The following DCDC1 variants were observed in gnomAD, a reference collection of about 807,000 sequenced individuals.
DCDC1 encodes the protein doublecortin domain containing 1.
A neutral mutation model predicts 178.3 loss-of-function variants in DCDC1; 200 were observed. That is an observed-to-expected ratio of 1.12 (90% CI 1.00 to 1.26). The LOEUF (loss-of-function observed/expected upper bound fraction) is 1.26. Ranked by LOEUF, DCDC1 falls within the 50% of genes most tolerant of loss-of-function variation. DCDC1 has a pLI of 0.00. For synonymous variants in DCDC1, 690 were observed against 604.8 expected, an observed-to-expected ratio of 1.14 and a Z score of -2.07; for missense variants, 1,983 against 1,749.2, an observed-to-expected ratio of 1.13 and a Z score of -2.38.
intron 2 of DCDC1, among the ~76,000 whole-genome samples, chr11:31,334,400 C>T (rs1950165258): frequency 1.3e-5 from 2 of 152,230 alleles, no homozygotes; most frequent in Admixed American, 6.5e-5. Context: ...CAAAGTCATT[C>T]TCCATCCAGC....
chr11:31,035,479 C>T (rs1953965344), intron 20 of DCDC1, among the ~76,000 whole-genome samples: 1 of 152,106 alleles, frequency 6.6e-6, no homozygotes. Flanking sequence ...GTAACATATC[C>T]CTTACTTTTG....
At chr11:31,312,109 T>TTC in intron 3 of DCDC1, among the ~76,000 whole-genome samples, 1 of 151,820 alleles carries the variant, frequency 6.6e-6, no homozygotes, top group Non-Finnish European at 1.5e-5. Context: ...CCCTAAGGAG[T>TTC]CTTCTCTCAA....
chr11:31,227,109 G>A (rs1295414687), intron 9 of DCDC1, among the ~76,000 whole-genome samples: 1 of 152,084 alleles, frequency 6.6e-6, no homozygotes, highest in African/African-American at 2.4e-5. Context: ...AAGCCAAAAA[G>A]ATATAGCTAA....
At position 31,364,403 on chromosome 11, in the gene DCDC1, T is replaced by C. The variant is rs117921632; in HGVS notation, c.-125+5294A>G. 1.9e-3 allele frequency among the ~76,000 whole-genome samples: 291 copies of C among 152,274 alleles called. 2 individuals carry two copies. The highest frequency in any genetic ancestry group is 3.3e-3 in the Non-Finnish European group (227 of 68,020). ...GGGGGAAAAAACAAGTTGGTATTTG[T>C]ATGACTATTAAAGATAAATAGAAGA... On this transcript the variant is annotated intron_variant, in intron 1 of 38. Transcript: ENST00000684477.
intron 20 of DCDC1, among the ~76,000 whole-genome samples, chr11:30,953,304 TTATATTAATTA>T (rs1235542636): frequency 2.0e-5 from 3 of 148,576 alleles, no homozygotes; most frequent in Admixed American, 1.3e-4. Flanking sequence ...ATCATAAGCA[TTATATTAATTA>T]TATATTAATT....
chr11:30,891,574 C>T (rs1943781123), intron 36 of DCDC1, among the ~76,000 whole-genome samples: 1 of 152,174 alleles, frequency 6.6e-6, no homozygotes, highest in Middle Eastern at 3.2e-3. Flanking sequence ...TTAGCATCTA[C>T]AACATGAACT....
In DCDC1 at chr11:31,280,876, G is replaced by A. The variant is rs184694980; in HGVS notation, c.960+9771C>T. 8.7e-4 allele frequency: 553 copies of A among 638,056 alleles called. 5 individuals are homozygous for A. The highest frequency in any genetic ancestry group is 7.5e-3 in the African/African-American group (415 of 55,328). 39.5% of individuals were successfully genotyped at this position (638,056 alleles called of 1,614,324 possible). A position where few individuals can be genotyped will look rare whatever the true frequency, so the allele number is the denominator to read the frequency against. The stretch of plus-strand genomic sequence containing the variant: ...CAATGGCCTGACCTGTCTTCTGCCC[G>A]AAGAGACCATGGAGATTAGGCCCAG... On this transcript the variant is annotated intron_variant, in intron 7 of 38. Coordinates refer to ENST00000684477, the MANE Select transcript of DCDC1 (RefSeq NM_001387274.1).
At chr11:30,957,145 T>C (rs1948816097) in intron 20 of DCDC1, among the ~76,000 whole-genome samples, 1 of 152,150 alleles carries the variant, frequency 6.6e-6, no homozygotes, top group Non-Finnish European at 1.5e-5. Flanking sequence ...CTCGGACCCT[T>C]ATCCTCCCTC....
intron 7 of DCDC1, among the ~76,000 whole-genome samples, chr11:31,274,874 T>G (rs1352592227): frequency 2.0e-5 from 3 of 152,004 alleles, no homozygotes; most frequent in Non-Finnish European, 2.9e-5. Context: ...CTAATTTTTG[T>G]ATTTTTAGTA....
chr11:31,207,649 C>T (rs1972022002), intron 9 of DCDC1, among the ~76,000 whole-genome samples: 1 of 152,160 alleles, frequency 6.6e-6, no homozygotes, highest in Non-Finnish European at 1.5e-5. Flanking sequence ...TCATATTTAG[C>T]ATGCAAACAT....
intron 9 of DCDC1, among the ~76,000 whole-genome samples, chr11:31,214,047 C>A (rs948090233): frequency 1.3e-5 from 2 of 151,910 alleles, no homozygotes; most frequent in Admixed American, 1.3e-4. Flanking sequence ...TACAAAAGAT[C>A]ATTAATTCAC....
At chr11:30,988,736 A>G (rs1035937643) in intron 20 of DCDC1, among the ~76,000 whole-genome samples, 12 of 152,186 alleles carry the variant, frequency 7.9e-5, no homozygotes, top group African/African-American at 2.9e-4. Flanking sequence ...ACGCAAAAAA[A>G]TCTTATAATG....
intron 20 of DCDC1, among the ~76,000 whole-genome samples, chr11:30,957,475 G>C (rs1948835001): frequency 6.6e-6 from 1 of 152,082 alleles, no homozygotes; most frequent in South Asian, 2.1e-4. Flanking sequence ...TGAACTAACA[G>C]AAACATCTGA....
At chr11:31,273,566 C>T (rs1945744054) in intron 7 of DCDC1, among the ~76,000 whole-genome samples, 1 of 152,198 alleles carries the variant, frequency 6.6e-6, no homozygotes, top group African/African-American at 2.4e-5. Flanking sequence ...GCATTTTGGT[C>T]AAAGCCATTC....
At chr11:30,874,073 T>C (rs555072712) in intron 38 of DCDC1, among the ~76,000 whole-genome samples, 1 of 152,300 alleles carries the variant, frequency 6.6e-6, no homozygotes, top group Admixed American at 6.5e-5. Flanking sequence ...AATACTCACA[T>C]ACAAAGCAAA....
chr11:31,323,544 T>TG (rs1949485533), intron 3 of DCDC1, among the ~76,000 whole-genome samples: 1 of 152,154 alleles, frequency 6.6e-6, no homozygotes, highest in Non-Finnish European at 1.5e-5. Context: ...AGTGTATATT[T>TG]GACAAGCATA....
chr11:30,959,512 C>T (rs950169925), intron 20 of DCDC1, among the ~76,000 whole-genome samples: 3 of 152,172 alleles, frequency 2.0e-5, no homozygotes, highest in Non-Finnish European at 4.4e-5. Flanking sequence ...TTCATACCCA[C>T]TGAACTATGG....
intron 9 of DCDC1, among the ~76,000 whole-genome samples, chr11:31,197,279 A>G (rs1357902324): frequency 6.6e-6 from 1 of 152,110 alleles, no homozygotes; most frequent in Non-Finnish European, 1.5e-5. Context: ...TATCACAACT[A>G]TTGAGTCTCT....
intron 36 of DCDC1, among the ~76,000 whole-genome samples, chr11:30,888,102 G>A (rs199560482): frequency 0.064 from 2,971 of 46,694 alleles, 60 homozygotes; most frequent in Non-Finnish European, 0.078. Flanking sequence ...GAAAGAAAAA[G>A]AAAGAAAGAA....
Sources: allele counts gnomAD v4.1 joint callset (sites outside exome capture counted in the v4.1 genomes callset), GRCh38; gene constraint gnomAD v4.1.1; transcripts MANE v1.5; gene names NCBI Gene and HGNC (gene_info 2026-07-23, HGNC 2026-07-21).